The following RYR2 variants were observed in gnomAD, a reference collection of about 807,000 sequenced individuals.
The protein encoded by RYR2 is cardiac muscle ryanodine receptor-calcium release channel.
RYR2 carries 227 observed loss-of-function variants against 601.1 expected under a neutral mutation model. The ratio of observed to expected loss-of-function variants is 0.38; its 90% CI spans 0.34 to 0.42. The LOEUF is 0.42. Ranked by LOEUF, RYR2 falls within the 10% of genes least tolerant of loss-of-function variation. The pLI is 1.00. For synonymous variants in RYR2, 2,223 were observed against 2,175.1 expected, an observed-to-expected ratio of 1.02 and a Z score of -0.61; for missense variants, 4,646 against 6,156.5, an observed-to-expected ratio of 0.75 and a Z score of 8.21.
rs1431765644 is a variant in RYR2, at chr1:237,821,842, G to A, written c.14590+2650G>A. Among the ~76,000 whole-genome samples the A allele has an allele frequency of 2.0e-5, 3 of 151,644 alleles. No homozygotes were observed. In the East Asian group the frequency reaches 5.9e-4, roughly 30 times the overall value. On this transcript the variant is annotated intron_variant, in intron 101 of 104. Coordinates refer to ENST00000366574, the MANE Select transcript of RYR2 (RefSeq NM_001035.3). ...AGAGGAGAACATAAATGACCTGATG[G>A]AGCTGAAAAACACAGCACAAGAACT...
chr1:237,631,666 T>C (rs1487827355), intron 42 of RYR2, 125 bp downstream of exon 42: 1 of 472,878 alleles, frequency 2.1e-6, no homozygotes, highest in South Asian at 2.9e-5. Flanking sequence ...GCTCACTCTG[T>C]CGCCCAGGCT....
At chr1:237,587,287 T>TTG (rs1425751523) in intron 29 of RYR2, among the ~76,000 whole-genome samples, 5 of 152,226 alleles carry the variant, frequency 3.3e-5, no homozygotes, top group African/African-American at 1.2e-4. Flanking sequence ...AAACAGTATG[T>TTG]TGTTTGGGCC....
At chr1:237,066,963 T>G (rs1416102389) in intron 1 of RYR2, among the ~76,000 whole-genome samples, 2 of 152,210 alleles carry the variant, frequency 1.3e-5, no homozygotes, top group Admixed American at 6.5e-5. Flanking sequence ...GTCGAATGTC[T>G]TTTCATGTCG....
At chr1:237,548,314 T>A in intron 25 of RYR2, 117 bp from the exon 26 acceptor site, 1 of 1,000,556 alleles carries the variant, frequency 1.0e-6, no homozygotes, top group Non-Finnish European at 1.5e-6. Flanking sequence ...ACTTCACCAC[T>A]GGTTACCACT....
intron 96 of RYR2, 118 bp downstream of exon 96, chr1:237,795,449 C>A: frequency 2.2e-6 from 1 of 459,356 alleles, no homozygotes; most frequent in Non-Finnish European, 3.7e-6. Context: ...TTAATGTCTC[C>A]ATTTTTTTTT....
At chr1:237,643,804 T>C (rs10802627) in intron 48 of RYR2, among the ~76,000 whole-genome samples, 74,824 of 151,708 alleles carry the variant, frequency 0.49, 18,832 homozygotes, top group East Asian at 0.81. Flanking sequence ...TAAGTAGAGA[T>C]GGGGTTTCAC....
chr1:237,318,060 T>C (rs777913386), intron 2 of RYR2, among the ~76,000 whole-genome samples: 1 of 152,168 alleles, frequency 6.6e-6, no homozygotes, highest in African/African-American at 2.4e-5. Context: ...CAGAATAGTG[T>C]GCCATTTTGA....
intron 2 of RYR2, among the ~76,000 whole-genome samples, chr1:237,320,225 A>T (rs1695499248): frequency 6.6e-6 from 1 of 152,060 alleles, no homozygotes; most frequent in African/African-American, 2.4e-5. Context: ...TCACTTGGTC[A>T]TGGGGGGAGG....
At chr1:237,785,919 C>G (rs2149359730) in intron 90 of RYR2, 50 bp from the exon 91 acceptor site, 2 of 1,309,830 alleles carry the variant, frequency 1.5e-6, no homozygotes, top group East Asian at 4.8e-5. Flanking sequence ...TCAATTCATT[C>G]AAAGGTGATG....
chr1:237,564,559 C>T (rs913683378), intron 27 of RYR2, among the ~76,000 whole-genome samples: 3 of 152,056 alleles, frequency 2.0e-5, no homozygotes, highest in Non-Finnish European at 4.4e-5. Context: ...TGTGAGCCAC[C>T]GCGACCCGCC....
At chr1:237,706,633 G>A (rs1158291867) in intron 67 of RYR2, among the ~76,000 whole-genome samples, 2 of 152,148 alleles carry the variant, frequency 1.3e-5, no homozygotes, top group East Asian at 1.9e-4. Context: ...GGGAATGGAG[G>A]CCAAGGTGGA....
chr1:237,516,519 C>T lies in RYR2; in HGVS notation c.2822+4728C>T, dbSNP rs139493499. 7.8e-3 allele frequency among the ~76,000 whole-genome samples: 1,187 copies of T among 152,256 alleles called. 18 individuals carry two copies. Among genetic ancestry groups the T allele is most frequent in the East Asian group, 0.048 (249 of 5,162 alleles). Reference sequence around the variant, plus strand: ...TGAAGGTATTCTCACCACTCCACTCCGTGACTTAATTACCACACAGGTGCT... The same window carrying T: ...TGAAGGTATTCTCACCACTCCACTCTGTGACTTAATTACCACACAGGTGCT... On this transcript the variant is annotated intron_variant, in intron 24 of 104. Transcript: ENST00000366574.
chr1:237,321,945 G>C (rs1210518196), intron 2 of RYR2, among the ~76,000 whole-genome samples: 2 of 152,278 alleles, frequency 1.3e-5, no homozygotes, highest in South Asian at 4.1e-4. Context: ...TACCTATAAG[G>C]AAGTGGACTA....
At chr1:237,374,953 A>G (rs971782156) in intron 7 of RYR2, among the ~76,000 whole-genome samples, 158 bp downstream of exon 7, 1 of 152,196 alleles carries the variant, frequency 6.6e-6, no homozygotes, top group African/African-American at 2.4e-5. Context: ...GGGAAAGTGT[A>G]TATCATTCCT....
chr1:237,336,188 A>C (rs1237442561), intron 3 of RYR2, among the ~76,000 whole-genome samples: 2 of 152,146 alleles, frequency 1.3e-5, no homozygotes, highest in African/African-American at 4.8e-5. Context: ...TTTTCTTGGC[A>C]CTTTTTAGAA....
intron 24 of RYR2, among the ~76,000 whole-genome samples, chr1:237,520,414 C>A (rs1310191740): frequency 6.6e-6 from 1 of 152,170 alleles, no homozygotes; most frequent in Non-Finnish European, 1.5e-5. Flanking sequence ...CAACTTTCCC[C>A]ATTCAGCATA....
rs1258891893 is a variant in RYR2, at chr1:237,706,939, A to G, written c.9581-10A>G. On this transcript the variant is annotated splice_polypyrimidine_tract_variant and intron_variant, in intron 67 of 104. Coordinates refer to ENST00000366574, the MANE Select transcript of RYR2 (RefSeq NM_001035.3). ...TTGAATATCATCCATTTTTATATGT[A>G]CTTCTCCAGCTCTCAGTTTGCCAAC... 1 of 1,602,324 alleles carries G rather than the reference A, an allele frequency of 6.2e-7. No individual in the cohort carries two copies. Among genetic ancestry groups the G allele is most frequent in the African/African-American group, 1.3e-5 (1 of 74,704 alleles).
intron 101 of RYR2, among the ~76,000 whole-genome samples, chr1:237,827,650 ATGACT>A (rs1663272604): frequency 7.5e-6 from 1 of 133,412 alleles, no homozygotes; most frequent in African/African-American, 3.0e-5. Context: ...AAAAAAAAAA[ATGACT>A]TGACTGGGCA....
At chr1:237,100,242 C>T (rs1409027792) in intron 1 of RYR2, among the ~76,000 whole-genome samples, 1 of 152,086 alleles carries the variant, frequency 6.6e-6, no homozygotes, top group Non-Finnish European at 1.5e-5. Flanking sequence ...CATTTCCTTC[C>T]GTCACCTACA....
Sources: allele counts gnomAD v4.1 joint callset (sites outside exome capture counted in the v4.1 genomes callset), GRCh38; gene constraint gnomAD v4.1.1; transcripts MANE v1.5; gene names NCBI Gene and HGNC (gene_info 2026-07-23, HGNC 2026-07-21).